The following SNX29 variants were observed in gnomAD, a reference collection of about 807,000 sequenced individuals.
SNX29 encodes sorting nexin-29.
In SNX29, 78 loss-of-function variants were observed where a neutral mutation model predicts 102.1. The ratio of observed to expected loss-of-function variants is 0.76; its 90% CI spans 0.64 to 0.92. The LOEUF (loss-of-function observed/expected upper bound fraction) is 0.92. Among genes scored for constraint, SNX29 ranks in the 40% least tolerant of loss-of-function variants. SNX29 has a pLI of 0.00. For synonymous variants in SNX29, 580 were observed against 414.5 expected, an observed-to-expected ratio of 1.40 and a Z score of -4.85; for missense variants, 1,280 against 1,061.7, an observed-to-expected ratio of 1.21 and a Z score of -2.86.
At chr16:12,087,033 A>G (rs903533187) in intron 11 of SNX29, 12 of 152,152 alleles carry the variant, frequency 7.9e-5, no homozygotes, top group African/African-American at 2.7e-4. Flanking sequence ...GGTAACCATC[A>G]TAACACTTAA....
chr16:12,549,297 C>G (rs749985454), intron 20 of SNX29, among the ~76,000 whole-genome samples: 3 of 152,136 alleles, frequency 2.0e-5, no homozygotes, highest in Non-Finnish European at 2.9e-5. Context: ...AAGTTGGAAA[C>G]CAGCCTGGTC....
At chr16:12,398,696 C>T (rs2083816120) in intron 17 of SNX29, among the ~76,000 whole-genome samples, 195 bp downstream of exon 17, 1 of 151,550 alleles carries the variant, frequency 6.6e-6, no homozygotes, top group South Asian at 2.1e-4. Context: ...TTTTCTCACC[C>T]TTGGGTATTT....
chr16:12,039,878 C>T (rs1263450704), intron 4 of SNX29, among the ~76,000 whole-genome samples: 1 of 152,110 alleles, frequency 6.6e-6, no homozygotes, highest in Non-Finnish European at 1.5e-5. Context: ...TTTCACATGG[C>T]GATGGCCTTG....
chr16:12,208,372 G>T (rs1037299417), intron 14 of SNX29, among the ~76,000 whole-genome samples: 1 of 151,936 alleles, frequency 6.6e-6, no homozygotes, highest in African/African-American at 2.4e-5. Flanking sequence ...ACTCATTTGT[G>T]TGGCTCTTCA....
intron 20 of SNX29, among the ~76,000 whole-genome samples, chr16:12,561,447 C>G (rs1208098033): frequency 1.3e-5 from 2 of 152,182 alleles, no homozygotes; most frequent in Admixed American, 1.3e-4. Context: ...GCCCTCTAAG[C>G]TTCAAAGGCA....
chr16:12,357,083 G>A (rs751226692), intron 16 of SNX29, among the ~76,000 whole-genome samples: 2 of 152,198 alleles, frequency 1.3e-5, no homozygotes, highest in Admixed American at 1.3e-4. Flanking sequence ...CCACAATGCC[G>A]TGAGCATCTA....
At chr16:12,267,644 T>G (rs1173386119) in intron 14 of SNX29, among the ~76,000 whole-genome samples, 1 of 152,156 alleles carries the variant, frequency 6.6e-6, no homozygotes, top group Non-Finnish European at 1.5e-5. Flanking sequence ...ACCAGGGCTG[T>G]CCGGAAAGAG....
At chr16:12,551,238 C>G (rs867033383) in intron 20 of SNX29, among the ~76,000 whole-genome samples, 3 of 152,122 alleles carry the variant, frequency 2.0e-5, no homozygotes, top group Non-Finnish European at 4.4e-5. Flanking sequence ...CTTCTGAGGA[C>G]AGTCTAAAAA....
At chr16:12,178,736 C>A (rs1470587606) in intron 13 of SNX29, among the ~76,000 whole-genome samples, 5 of 152,216 alleles carry the variant, frequency 3.3e-5, no homozygotes. Flanking sequence ...AAGTATCAGA[C>A]AGTGTGTGTA....
rs953347121 is a variant in SNX29, at chr16:12,569,272, G to C, written c.*643G>C. 8.8e-6 allele frequency: 2 copies of C among 228,224 alleles called. No homozygotes were observed. The highest frequency in any genetic ancestry group is 1.7e-5 in the Non-Finnish European group (2 of 115,052). 14.1% of individuals were successfully genotyped at this position (228,224 alleles called of 1,614,324 possible). On this transcript the variant is annotated 3_prime_UTR_variant, in exon 21 of 21. Transcript: ENST00000566228. ...ATTAGTGATGTGCAACTTGAGTTCA[G>C]AGAACTTCCCCTACCTCCCCCATGG...
intron 16 of SNX29, among the ~76,000 whole-genome samples, chr16:12,393,431 TTCAG>T (rs745308036): frequency 6.8e-6 from 1 of 146,790 alleles, no homozygotes; most frequent in Non-Finnish European, 1.5e-5. Context: ...CATTCATTCA[TTCAG>T]TGTGTTAGTT....
chr16:12,567,485 C>T (rs1298708001), intron 20 of SNX29, among the ~76,000 whole-genome samples: 1 of 152,196 alleles, frequency 6.6e-6, no homozygotes, highest in Non-Finnish European at 1.5e-5. Flanking sequence ...AGGGACTTTA[C>T]AGATGTGATT....
At chr16:12,424,682 T>G (rs1192133072) in intron 18 of SNX29, among the ~76,000 whole-genome samples, 1 of 152,186 alleles carries the variant, frequency 6.6e-6, no homozygotes, top group Non-Finnish European at 1.5e-5. Context: ...TTTTGATTGT[T>G]GAAATAGACC....
intron 15 of SNX29, among the ~76,000 whole-genome samples, chr16:12,317,776 A>C (rs2080797565): frequency 2.6e-5 from 4 of 152,192 alleles, no homozygotes; most frequent in African/African-American, 9.7e-5. Flanking sequence ...GTGACCCTGG[A>C]TATGTTCCCT....
rs541664090 is a variant in SNX29, at chr16:12,248,889, T to C, written c.1679-29044T>C. ...TAAGCTCCTTAAGAGTAAGGACTGTTCTATTCTCTGCCGAGTCTTAGTGTC... is the reference window on the plus strand; with the variant it reads ...TAAGCTCCTTAAGAGTAAGGACTGTCCTATTCTCTGCCGAGTCTTAGTGTC... On this transcript the variant is annotated intron_variant, in intron 14 of 20. Transcript: ENST00000566228. Among the ~76,000 whole-genome samples the C allele has an allele frequency of 3.7e-4, 56 of 152,260 alleles. 1 individual carries two copies. In the East Asian group the frequency reaches 7.1e-3, roughly 19 times the overall value.
At chr16:12,540,485 C>T (rs761046010) in intron 20 of SNX29, among the ~76,000 whole-genome samples, 19 of 152,234 alleles carry the variant, frequency 1.2e-4, no homozygotes, top group Admixed American at 3.3e-4. Flanking sequence ...GTCAAGGTGT[C>T]GGCAGGGCTG....
At chr16:12,132,971 AGTGTTG>A (rs1323692142) in intron 13 of SNX29, among the ~76,000 whole-genome samples, 6 of 152,204 alleles carry the variant, frequency 3.9e-5, no homozygotes, top group Non-Finnish European at 8.8e-5. Context: ...AGCAACTGTC[AGTGTTG>A]GCTGACAGTG....
chr16:12,124,355 C>A (rs1220273226), intron 11 of SNX29, among the ~76,000 whole-genome samples: 189 of 130,282 alleles, frequency 1.5e-3, no homozygotes, highest in African/African-American at 1.7e-3. Flanking sequence ...GACTCCGTCT[C>A]AAAAAAAAAA....
intron 14 of SNX29, among the ~76,000 whole-genome samples, chr16:12,218,921 C>A (rs1169080368): frequency 6.6e-6 from 1 of 152,146 alleles, no homozygotes; most frequent in African/African-American, 2.4e-5. Flanking sequence ...ACTAAAGGCA[C>A]CTGCCACCAG....
Sources: allele counts gnomAD v4.1 joint callset (sites outside exome capture counted in the v4.1 genomes callset), GRCh38; gene constraint gnomAD v4.1.1; transcripts MANE v1.5; gene names NCBI Gene and HGNC (gene_info 2026-07-23, HGNC 2026-07-21).